PIAS2: variants seen among roughly 807,000 people sequenced by gnomAD.
PIAS2 encodes protein inhibitor of activated STAT 2.
A neutral mutation model predicts 69.7 loss-of-function variants in PIAS2; 19 were observed. That is an observed-to-expected ratio of 0.27 (90% confidence interval 0.19 to 0.40). The LOEUF (loss-of-function observed/expected upper bound fraction) is 0.40. PIAS2 is among the 10% of genes least tolerant of loss of function. The pLI, the probability that PIAS2 is intolerant of heterozygous loss-of-function variation, is 1.00. For missense variants in PIAS2, 624 were observed against 757.0 expected (o/e 0.82, Z 2.06); for synonymous variants, 261 against 263.2 (o/e 0.99, Z 0.08).
chr18:46,841,092 T>C (rs563569822), intron 8 of PIAS2, among the ~76,000 whole-genome samples: 1 of 152,164 alleles, frequency 6.6e-6, no homozygotes, highest in Admixed American at 6.5e-5. Context: ...TGAAAATCAC[T>C]AGCTGAAATC....
rs761464760 is a variant in PIAS2, at chr18:46,832,700, G to A, written c.1203-2833C>T. On this transcript the variant is annotated intron_variant, in intron 9 of 13. Transcript: ENST00000585916. ...GAGGTCAGGAGTTGGAGACCAGCCT[G>A]GCCACTATGGCGAAACCCCATCTCT... Among the ~76,000 whole-genome samples the A allele has an allele frequency of 4.2e-4, 64 of 152,006 alleles. No individual in the cohort carries two copies. In the Middle Eastern group the frequency reaches 0.014, roughly 32 times the overall value.
At position 46,891,012 on chromosome 18, in the gene PIAS2, G is replaced by C. The variant is rs775642164; in HGVS notation, c.67C>G (p.Leu23Val). 6.2e-7 allele frequency: 1 copy of C among 1,610,888 alleles called. No individual in the cohort carries two copies. Among genetic ancestry groups the C allele is most frequent in the Non-Finnish European group, 8.5e-7 (1 of 1,178,292 alleles). Reference protein sequence around the residue: ...SFRVSELQVLLGFAGRNKSGR... With the variant: ...SFRVSELQVLVGFAGRNKSGR... Reference sequence around the variant, plus strand: ...CTTTTATTCCGTCCAGCAAAGCCTAGTAATACTTGTAGTTCAGAAACCCTA... The same window carrying C: ...CTTTTATTCCGTCCAGCAAAGCCTACTAATACTTGTAGTTCAGAAACCCTA... Residue 23 changes from leucine to valine, a missense_variant, in exon 2 of 14, where the codon CTA (leucine) becomes GTA (valine). This residue lies in a region of PIAS2 where 339 missense variants were observed against 408.8 expected (regional missense o/e 0.83). Coordinates refer to ENST00000585916, the MANE Select transcript of PIAS2 (RefSeq NM_004671.5).
chr18:46,865,522 C>CAAA (rs11321908), intron 2 of PIAS2, among the ~76,000 whole-genome samples: 1 of 108,256 alleles, frequency 9.2e-6, no homozygotes, highest in East Asian at 2.8e-4. Flanking sequence ...CGATAGTCTT[C>CAAA]AAAAAAAAAA....
intron 12 of PIAS2, chr18:46,818,462 G>A: frequency 6.4e-7 from 1 of 1,560,154 alleles, no homozygotes; most frequent in Non-Finnish European, 8.7e-7. Context: ...AGATTCAGAA[G>A]ATTCATGTTT....
At position 46,807,296 on chromosome 18, in the gene PIAS2, TAAAATCATGGGA is replaced by T. The variant is rs1212687942; in HGVS notation, c.*5125_*5136del. On this transcript the variant is annotated 3_prime_UTR_variant, in exon 14 of 14. Transcript: ENST00000585916. ...TATTTGTGCAACTTTACAGTGCCAG[TAAAATCATGGGA>T]AAAGCTTGGATAGCCATACGTAGGT... is the stretch of plus-strand genomic sequence containing the variant. 1.4e-5 allele frequency: 2 copies of T among 139,086 alleles called. No homozygotes were observed. Among genetic ancestry groups the T allele is most frequent in the Non-Finnish European group, 3.0e-5 (2 of 65,764 alleles). The allele number at this position is 139,086 out of a possible 1,614,324, so 8.6% of individuals were successfully genotyped here. A position where few individuals can be genotyped will look rare whatever the true frequency, so the allele number is the denominator to read the frequency against.
chr18:46,913,972 T>C (rs2057534738), intron 1 of PIAS2, among the ~76,000 whole-genome samples: 1 of 152,164 alleles, frequency 6.6e-6, no homozygotes, highest in Admixed American at 6.6e-5. Context: ...CTCCAGACCA[T>C]TTTTGGAGGA....
At chr18:46,829,983 T>C in intron 9 of PIAS2, 116 bp from the exon 10 acceptor site, 1 of 839,346 alleles carries the variant, frequency 1.2e-6, no homozygotes, top group Non-Finnish European at 1.9e-6. Context: ...CCCCCTTTTC[T>C]TTTGGTATTG....
At chr18:46,836,260 T>C in intron 9 of PIAS2, 97 bp downstream of exon 9, 2 of 877,884 alleles carry the variant, frequency 2.3e-6, no homozygotes, top group Non-Finnish European at 3.7e-6. Flanking sequence ...TAGAGTAGAA[T>C]TTATTTAGAA....
Position 46,810,697 on chromosome 18 carries a change from TAAAAAGAACACACAAAGGCCATGG to T in PIAS2, c.*1712_*1735del, listed in dbSNP as rs2040941510. On this transcript the variant is annotated 3_prime_UTR_variant, in exon 14 of 14. Transcript: ENST00000585916. ...AAAACCATATGAATTTAAATCAACA[TAAAAAGAACACACAAAGGCCATGG>T]AAACTTGAGAAGGTGAAAGAAAAAA... 9.5e-6 allele frequency: 1 copy of T among 105,268 alleles called. No homozygotes were observed. Among genetic ancestry groups the T allele is most frequent in the Non-Finnish European group, 2.0e-5 (1 of 48,984 alleles). The allele number at this position is 105,268 out of a possible 1,614,324, so 6.5% of individuals were successfully genotyped here. A position where few individuals can be genotyped will look rare whatever the true frequency, so the allele number is the denominator to read the frequency against.
chr18:46,876,447 A>G (rs1034587156), intron 2 of PIAS2, among the ~76,000 whole-genome samples: 1 of 152,210 alleles, frequency 6.6e-6, no homozygotes, highest in African/African-American at 2.4e-5. Context: ...TAACTATATT[A>G]GAGATGCTAG....
Position 46,810,133 on chromosome 18 carries a change from T to C in PIAS2, c.*2300A>G, listed in dbSNP as rs1568321715. ...GTATGAAATAAATTAAAAATTTATATGTAATTTCAGTGTAAAACACCAAAA... is the reference window on the plus strand; with the variant it reads ...GTATGAAATAAATTAAAAATTTATACGTAATTTCAGTGTAAAACACCAAAA... On this transcript the variant is annotated 3_prime_UTR_variant, in exon 14 of 14. Coordinates refer to ENST00000585916, the MANE Select transcript of PIAS2 (RefSeq NM_004671.5). 6.6e-6 allele frequency: 1 copy of C among 152,048 alleles called. No individual in the cohort carries two copies. The highest frequency in any genetic ancestry group is 1.9e-4 in the East Asian group (1 of 5,196). The allele number at this position is 152,048 out of a possible 1,614,324, so 9.4% of individuals were successfully genotyped here.
rs548787139 is a variant in PIAS2, at chr18:46,871,633, C to G, written c.500-7385G>C. On this transcript the variant is annotated intron_variant, in intron 2 of 13. Coordinates refer to ENST00000585916, the MANE Select transcript of PIAS2 (RefSeq NM_004671.5). Reference sequence around the variant, plus strand: ...GTGGGACCCAAACATGAAGTTATAACCCTTTTAACAGATTCAAGAGCAGCT... The same window carrying G: ...GTGGGACCCAAACATGAAGTTATAAGCCTTTTAACAGATTCAAGAGCAGCT... Among the ~76,000 whole-genome samples, 34 of 152,246 alleles carry G rather than the reference C, an allele frequency of 2.2e-4. No homozygotes were observed. The South Asian group carries it at 6.3e-3, about 28-fold the overall frequency.
chr18:46,811,976 T>C lies in PIAS2; in HGVS notation c.*457A>G, dbSNP rs906174796. 2.0e-5 allele frequency: 3 copies of C among 153,002 alleles called. No individual in the cohort carries two copies. The highest frequency in any genetic ancestry group is 4.8e-5 in the African/African-American group (2 of 41,446). The allele number at this position is 153,002 out of a possible 1,614,324, so 9.5% of individuals were successfully genotyped here. On this transcript the variant is annotated 3_prime_UTR_variant, in exon 14 of 14. Coordinates refer to ENST00000585916, the MANE Select transcript of PIAS2 (RefSeq NM_004671.5). ...ATGGAAAGGACTCATTCAGCAAACA[T>C]TAAGTTCTTTCCATATATTTTTTTT...
At chr18:46,835,797 CT>C (rs1198063466) in intron 9 of PIAS2, among the ~76,000 whole-genome samples, 1 of 152,096 alleles carries the variant, frequency 6.6e-6, no homozygotes, top group Non-Finnish European at 1.5e-5. Context: ...TTTTCCAAAT[CT>C]TACATGGTAC....
Position 46,809,554 on chromosome 18 carries a change from G to A in PIAS2, c.*2879C>T, listed in dbSNP as rs569574980. On this transcript the variant is annotated 3_prime_UTR_variant, in exon 14 of 14. Coordinates refer to ENST00000585916, the MANE Select transcript of PIAS2 (RefSeq NM_004671.5). The stretch of plus-strand genomic sequence containing the variant: ...GCGGATCACCTGAGGTCGGGAGTTC[G>A]AGACCAGCCTGACCAAAATGGAGAA... 7 of 152,254 alleles carry A rather than the reference G, an allele frequency of 4.6e-5. No homozygotes were observed. The highest frequency in any genetic ancestry group is 2.6e-4 in the Admixed American group (4 of 15,296). The allele number at this position is 152,254 out of a possible 1,614,324, so 9.4% of individuals were successfully genotyped here.
intron 11 of PIAS2, among the ~76,000 whole-genome samples, chr18:46,826,415 C>T (rs906436799): frequency 4.6e-5 from 7 of 152,240 alleles, no homozygotes; most frequent in Admixed American, 2.6e-4. Context: ...AAGATCACAA[C>T]AACTCATGAG....
chr18:46,852,347 A>G, intron 5 of PIAS2, among the ~76,000 whole-genome samples: 1 of 152,122 alleles, frequency 6.6e-6, no homozygotes, highest in South Asian at 2.1e-4. Context: ...ATGGCCCTAT[A>G]AGGGTCAGGC....
chr18:46,913,963 T>G (rs758547971), intron 1 of PIAS2, among the ~76,000 whole-genome samples: 20 of 152,158 alleles, frequency 1.3e-4, no homozygotes, highest in Non-Finnish European at 1.9e-4. Flanking sequence ...AGCCCTGCCC[T>G]CCAGACCATT....
At chr18:46,848,387 C>G (rs2046456044) in intron 5 of PIAS2, among the ~76,000 whole-genome samples, 1 of 152,142 alleles carries the variant, frequency 6.6e-6, no homozygotes, top group Non-Finnish European at 1.5e-5. Flanking sequence ...TAACCAGTCA[C>G]GCCATGCCAA....
Sources: gnomAD v4.1 joint callset for allele counts (sites outside exome capture counted in the v4.1 genomes callset) on GRCh38, gnomAD v4.1.1 for gene constraint, gnomAD v4.1.1 regional missense constraint, MANE v1.5 for transcripts, NCBI Gene and HGNC (gene_info 2026-07-23, HGNC 2026-07-21) for gene names.